Variants in PRMT8 observed in about 807,000 individuals in gnomAD.
PRMT8 encodes the protein protein arginine methyltransferase 8, also known as protein arginine N-methyltransferase 8.
PRMT8 carries 7 observed loss-of-function variants against 47.1 expected under a neutral mutation model. The observed-to-expected ratio is 0.15, with a 90% CI of 0.08 to 0.28. The LOEUF is 0.28. PRMT8 is among the 10% of genes least tolerant of loss of function. PRMT8 has a pLI of 1.00. For synonymous variants in PRMT8, 188 were observed against 186.5 expected, an observed-to-expected ratio of 1.01 and a Z score of -0.07; for missense variants, 237 against 505.4, an observed-to-expected ratio of 0.47 and a Z score of 5.09.
intron 1 of PRMT8, among the ~76,000 whole-genome samples, chr12:3,389,407 A>G (rs1237620681): frequency 6.6e-6 from 1 of 150,616 alleles, no homozygotes; most frequent in Non-Finnish European, 1.5e-5. Flanking sequence ...GTCCTCTGCT[A>G]CTCCTCCCCA....
chr12:3,479,055 CAGCAGGCTCTGACTGGGAAGTGGCCTGGA>C (rs1227525789), intron 1 of PRMT8, among the ~76,000 whole-genome samples: 2 of 152,220 alleles, frequency 1.3e-5, no homozygotes, highest in Non-Finnish European at 2.9e-5. Flanking sequence ...AGTCAGGGTA[CAGCAGGCTCTGACTGGGAAGTGGCCTGGA>C]TTCCCTGGCA....
At chr12:3,489,484 T>C (rs918811602), upstream of PRMT8, among the ~76,000 whole-genome samples, 2 of 152,036 alleles carry the variant, frequency 1.3e-5, no homozygotes, top group African/African-American at 4.8e-5. Context: ...AATGAGAGGA[T>C]TGGACCACAG....
intron 4 of PRMT8, among the ~76,000 whole-genome samples, chr12:3,558,765 G>T (rs553428779): frequency 5.3e-5 from 8 of 152,166 alleles, no homozygotes; most frequent in Non-Finnish European, 1.2e-4. Flanking sequence ...TTCTCATTGC[G>T]TACAATTTCG....
At chr12:3,558,541 C>T (rs758265023) in intron 4 of PRMT8, among the ~76,000 whole-genome samples, 6 of 152,214 alleles carry the variant, frequency 3.9e-5, no homozygotes, top group South Asian at 2.1e-4. Flanking sequence ...AAAAGGATTT[C>T]GTTCAGAATG....
chr12:3,465,132 AT>A (rs201626669), intron 1 of PRMT8, among the ~76,000 whole-genome samples: 2,364 of 10,368 alleles, frequency 0.23, 60 homozygotes, highest in African/African-American at 0.44. Context: ...CAAAAAAAAT[AT>A]ATATATATAT....
At chr12:3,382,577 T>C (rs1375611243) in intron 1 of PRMT8, among the ~76,000 whole-genome samples, 1 of 152,210 alleles carries the variant, frequency 6.6e-6, no homozygotes, top group Non-Finnish European at 1.5e-5. Context: ...ATTTTTTTAA[T>C]GTTGAGTTTT....
At chr12:3,393,458 T>A (rs1864215840) in intron 1 of PRMT8, among the ~76,000 whole-genome samples, 1 of 151,706 alleles carries the variant, frequency 6.6e-6, no homozygotes, top group Admixed American at 6.6e-5. Context: ...CAGCACCATT[T>A]ATTAAATAGG....
At chr12:3,562,105 C>T (rs562641684) in intron 4 of PRMT8, among the ~76,000 whole-genome samples, 2 of 152,296 alleles carry the variant, frequency 1.3e-5, no homozygotes, top group African/African-American at 4.8e-5. Flanking sequence ...CTGTATAAAA[C>T]ACAACAGCAT....
intron 1 of PRMT8, among the ~76,000 whole-genome samples, chr12:3,413,448 C>A (rs1293804455): frequency 6.6e-6 from 1 of 152,142 alleles, no homozygotes; most frequent in Non-Finnish European, 1.5e-5. Context: ...AATACAGATG[C>A]AAACACGCAT....
chr12:3,479,046 G>A (rs1327336057), intron 1 of PRMT8, among the ~76,000 whole-genome samples: 1 of 152,250 alleles, frequency 6.6e-6, no homozygotes, highest in Non-Finnish European at 1.5e-5. Flanking sequence ...CAGAGTCAGA[G>A]TCAGGGTACA....
intron 1 of PRMT8, among the ~76,000 whole-genome samples, chr12:3,395,537 A>C (rs2137047765): frequency 6.6e-6 from 1 of 152,108 alleles, no homozygotes; most frequent in African/African-American, 2.4e-5. Context: ...CGAGATTCTT[A>C]ATCCTGAGTT....
intron 1 of PRMT8, among the ~76,000 whole-genome samples, chr12:3,513,861 C>T (rs1268995091): frequency 5.3e-5 from 8 of 152,224 alleles, no homozygotes; most frequent in Admixed American, 5.2e-4. Flanking sequence ...GATCCATTCC[C>T]TACAGTATGT....
chr12:3,589,726 C>T (rs1281867756), intron 8 of PRMT8, among the ~76,000 whole-genome samples: 2 of 152,190 alleles, frequency 1.3e-5, no homozygotes, highest in Non-Finnish European at 2.9e-5. Flanking sequence ...ATGTTGATAT[C>T]AAGGAAAATA....
intron 8 of PRMT8, among the ~76,000 whole-genome samples, chr12:3,590,904 T>C (rs887784328): frequency 6.6e-6 from 1 of 152,132 alleles, no homozygotes; most frequent in African/African-American, 2.4e-5. Context: ...CCTGCCCTCA[T>C]GGAGCTTGCA....
intron 1 of PRMT8, among the ~76,000 whole-genome samples, chr12:3,386,951 G>A (rs981613666): frequency 3.3e-5 from 5 of 151,512 alleles, no homozygotes; most frequent in African/African-American, 9.7e-5. Flanking sequence ...CTCATGATCC[G>A]CCCACCTTGG....
chr12:3,461,581 C>T (rs1384633986), intron 1 of PRMT8, among the ~76,000 whole-genome samples: 1 of 152,218 alleles, frequency 6.6e-6, no homozygotes, highest in Non-Finnish European at 1.5e-5. Context: ...AACAGCCCTG[C>T]TGACCTCATT....
Position 3,493,133 on chromosome 12 carries a change from G to C in PRMT8, c.75+1433G>C, listed in dbSNP as rs1419716846. On this transcript the variant is annotated intron_variant, in intron 1 of 9. Transcript: ENST00000382622. This position sits in a 1 kb window ranked among gnomAD's most constrained non-coding sequence, Gnocchi z 8.2. ...TCAAAACAAACACGCTCCGGGACTT[G>C]AACGCAGCGGGGCATTCAGTAGCGA... 6.6e-6 allele frequency among the ~76,000 whole-genome samples: 1 copy of C among 152,198 alleles called. No individual in the cohort carries two copies. The highest frequency in any genetic ancestry group is 1.5e-5 in the Non-Finnish European group (1 of 68,036).
intron 1 of PRMT8, among the ~76,000 whole-genome samples, chr12:3,402,570 C>T (rs1486213402): frequency 6.6e-6 from 1 of 152,168 alleles, no homozygotes; most frequent in East Asian, 1.9e-4. Flanking sequence ...GCAATCCATC[C>T]ATCTGACAAA....
intron 1 of PRMT8, among the ~76,000 whole-genome samples, chr12:3,532,536 C>T (rs929453558): frequency 3.0e-5 from 4 of 134,576 alleles, no homozygotes; most frequent in South Asian, 4.9e-4. Context: ...GGCATGAACC[C>T]GGGAGGCAGA....
Sources: gnomAD v4.1 joint callset for allele counts (sites outside exome capture counted in the v4.1 genomes callset) on GRCh38, gnomAD v4.1.1 for gene constraint, Gnocchi (gnomAD v3.1) non-coding constraint, MANE v1.5 for transcripts, NCBI Gene and HGNC (gene_info 2026-07-23, HGNC 2026-07-21) for gene names.